The following LURAP1L variants were observed in gnomAD, a reference collection of about 807,000 sequenced individuals.
LURAP1L encodes leucine rich adaptor protein 1-like.
In LURAP1L, 12 loss-of-function variants were observed where a neutral mutation model predicts 13.8. That is an observed-to-expected ratio of 0.87 (90% CI 0.56 to 1.41). LURAP1L has a LOEUF of 1.41. Ranked by LOEUF, LURAP1L falls within the 40% of genes most tolerant of loss-of-function variation. The probability of loss-of-function intolerance (pLI) is 0.00; values close to 1 mark genes in which losing one functional copy is unlikely to be tolerated. For synonymous variants in LURAP1L, 139 were observed against 119.2 expected, an observed-to-expected ratio of 1.17 and a Z score of -1.08; for missense variants, 375 against 292.9, an observed-to-expected ratio of 1.28 and a Z score of -2.04.
intron 1 of LURAP1L, among the ~76,000 whole-genome samples, chr9:12,799,101 G>A (rs1372219225): frequency 2.0e-5 from 3 of 151,890 alleles, no homozygotes; most frequent in Non-Finnish European, 4.4e-5. Context: ...TTAGTATTGC[G>A]GAAAAAAGGG....
At chr9:12,812,220 A>G (rs1819746309) in intron 1 of LURAP1L, among the ~76,000 whole-genome samples, 1 of 152,216 alleles carries the variant, frequency 6.6e-6, no homozygotes, top group Admixed American at 6.5e-5. Flanking sequence ...AAGGATGTAG[A>G]TACCAGAAGA....
At chr9:12,786,581 T>A (rs184172890) in intron 1 of LURAP1L, among the ~76,000 whole-genome samples, 3 of 121,438 alleles carry the variant, frequency 2.5e-5, no homozygotes, top group Admixed American at 1.6e-4. Flanking sequence ...TATATATATA[T>A]AAACCCTTGT....
intron 1 of LURAP1L, among the ~76,000 whole-genome samples, chr9:12,782,920 T>A (rs1819292369): frequency 1.3e-5 from 2 of 152,200 alleles, no homozygotes; most frequent in African/African-American, 4.8e-5. Flanking sequence ...GTATTCATTG[T>A]AGAGATCTTT....
At chr9:12,815,729 C>T (rs989498967) in intron 1 of LURAP1L, among the ~76,000 whole-genome samples, 1 of 152,114 alleles carries the variant, frequency 6.6e-6, no homozygotes, top group African/African-American at 2.4e-5. Flanking sequence ...GTATATGATG[C>T]TATCCAAGGC....
intron 1 of LURAP1L, among the ~76,000 whole-genome samples, chr9:12,813,526 C>T (rs978905404): frequency 3.6e-4 from 55 of 152,166 alleles, no homozygotes; most frequent in African/African-American, 1.2e-3. Context: ...TTTAAAAACA[C>T]TATAAAGCAG....
At chr9:12,819,141 C>T (rs939688800) in intron 1 of LURAP1L, among the ~76,000 whole-genome samples, 4 of 152,126 alleles carry the variant, frequency 2.6e-5, no homozygotes, top group African/African-American at 9.7e-5. Flanking sequence ...CTTCTCAAGG[C>T]TAAGTTCACA....
At chr9:12,814,370 T>G (rs775852062) in intron 1 of LURAP1L, 4 of 152,198 alleles carry the variant, frequency 2.6e-5, no homozygotes, top group Non-Finnish European at 4.4e-5. Flanking sequence ...GGAGTCCATG[T>G]TTTCATTAGA....
At chr9:12,813,633 A>G (rs1487673570) in intron 1 of LURAP1L, among the ~76,000 whole-genome samples, 2 of 152,186 alleles carry the variant, frequency 1.3e-5, no homozygotes, top group Non-Finnish European at 2.9e-5. Context: ...GTCCCTAGTT[A>G]TTACATTTCC....
At chr9:12,816,388 G>A (rs751267319) in intron 1 of LURAP1L, among the ~76,000 whole-genome samples, 4 of 152,032 alleles carry the variant, frequency 2.6e-5, no homozygotes, top group Non-Finnish European at 4.4e-5. Context: ...TCATGTATAA[G>A]GAAACTGAGG....
At chr9:12,789,085 C>A (rs541674580) in intron 1 of LURAP1L, among the ~76,000 whole-genome samples, 1 of 135,656 alleles carries the variant, frequency 7.4e-6, no homozygotes, top group South Asian at 2.2e-4. Context: ...CCCCCAGCAC[C>A]CCCCCAAAAA....
At chr9:12,785,018 T>C (rs368982705) in intron 1 of LURAP1L, among the ~76,000 whole-genome samples, 85 of 152,020 alleles carry the variant, frequency 5.6e-4, no homozygotes, top group African/African-American at 1.9e-3. Context: ...CCATGGCAAG[T>C]ACTGCCTGGC....
At chr9:12,802,355 A>T (rs1283631705) in intron 1 of LURAP1L, among the ~76,000 whole-genome samples, 2 of 152,134 alleles carry the variant, frequency 1.3e-5, no homozygotes, top group African/African-American at 4.8e-5. Context: ...GTGATTCCTC[A>T]TGGTTTCACA....
chr9:12,802,655 T>C (rs144366244), intron 1 of LURAP1L, among the ~76,000 whole-genome samples: 2,475 of 152,290 alleles, frequency 0.016, 43 homozygotes, highest in Non-Finnish European at 0.027. Flanking sequence ...AGCAGACTAA[T>C]GCACTCAGTA....
At chr9:12,781,964 G>C (rs539417656) in intron 1 of LURAP1L, among the ~76,000 whole-genome samples, 1 of 152,184 alleles carries the variant, frequency 6.6e-6, no homozygotes, top group Non-Finnish European at 1.5e-5. Flanking sequence ...ACTGGGGTGA[G>C]ATAATATTTC....
rs1306884469 is a variant in LURAP1L at position 12,775,231 on chromosome 9, T to C, written c.-485T>C. ...CTGGAAAATGAAACGACCCAGGACA[T>C]CGTTTCTGGCTGCATCATTATTTTG... On this transcript the variant is annotated 5_prime_UTR_variant, in exon 1 of 2. Transcript: ENST00000319264. 6.5e-6 allele frequency: 1 copy of C among 153,018 alleles called. No individual in the cohort carries two copies. The highest frequency in any genetic ancestry group is 1.5e-5 in the Non-Finnish European group (1 of 68,748). The allele number at this position is 153,018 out of a possible 1,614,324, so 9.5% of individuals were successfully genotyped here.
chr9:12,778,272 C>T (rs16929519), intron 1 of LURAP1L, among the ~76,000 whole-genome samples: 7,212 of 152,006 alleles, frequency 0.047, 578 homozygotes, highest in African/African-American at 0.16. Flanking sequence ...TTATCTTCCC[C>T]GGCAAAAAGG....
chr9:12,822,495 C>A lies in LURAP1L; in HGVS notation c.*735C>A, dbSNP rs1586890307. Among the ~76,000 whole-genome samples the A allele has an allele frequency of 6.6e-6, 1 of 152,092 alleles. No individual in the cohort carries two copies. The highest frequency in any genetic ancestry group is 1.9e-4 in the East Asian group (1 of 5,200). ...GATTAAGTATGGAGGCCATTCAAGGCAAAAATGTCCTAAATTTAATTGCAT... is the reference window on the plus strand; with the variant it reads ...GATTAAGTATGGAGGCCATTCAAGGAAAAAATGTCCTAAATTTAATTGCAT... On this transcript the variant is annotated 3_prime_UTR_variant, in exon 2 of 2. Transcript: ENST00000319264.
chr9:12,822,103 A>G lies in LURAP1L; in HGVS notation c.*343A>G, dbSNP rs1021166653. On this transcript the variant is annotated 3_prime_UTR_variant, in exon 2 of 2. Coordinates refer to ENST00000319264, the MANE Select transcript of LURAP1L (RefSeq NM_203403.2). ...TACAAGAAAAACTTTGCTAAATTTT[A>G]CAATAAACCAAAGTCTGATAACAGT... 8 of 196,024 alleles carry G rather than the reference A, an allele frequency of 4.1e-5. No homozygotes were observed. Among genetic ancestry groups the G allele is most frequent in the African/African-American group, 1.2e-4 (5 of 42,748 alleles). The allele number at this position is 196,024 out of a possible 1,614,324, so 12.1% of individuals were successfully genotyped here. A position where few individuals can be genotyped will look rare whatever the true frequency, so the allele number is the denominator to read the frequency against.
At chr9:12,809,343 G>A (rs764709906) in intron 1 of LURAP1L, among the ~76,000 whole-genome samples, 3 of 152,046 alleles carry the variant, frequency 2.0e-5, no homozygotes, top group South Asian at 4.2e-4. Context: ...TTGCATTTCA[G>A]TTTGGGGAGT....
Sources: gnomAD v4.1 joint callset for allele counts (sites outside exome capture counted in the v4.1 genomes callset) on GRCh38, gnomAD v4.1.1 for gene constraint, MANE v1.5 for transcripts, NCBI Gene and HGNC (gene_info 2026-07-23, HGNC 2026-07-21) for gene names.